Variants in CCDC66 observed in about 807,000 individuals in gnomAD.
CCDC66 encodes coiled-coil domain-containing protein 66.
Under a neutral mutation model 128.3 loss-of-function variants are expected in CCDC66, and 133 were observed. The observed-to-expected ratio is 1.04, with a 90% CI of 0.90 to 1.20. The LOEUF is 1.20. CCDC66 is among the 50% of genes most tolerant of loss of function. The pLI is 0.00. For synonymous variants in CCDC66, 387 were observed against 357.0 expected, an observed-to-expected ratio of 1.08 and a Z score of -0.95; for missense variants, 1,126 against 1,075.5, an observed-to-expected ratio of 1.05 and a Z score of -0.66.
At chr3:56,587,558 A>G (rs1559682022) in intron 7 of CCDC66, among the ~76,000 whole-genome samples, 1 of 152,192 alleles carries the variant, frequency 6.6e-6, no homozygotes, top group Non-Finnish European at 1.5e-5. Context: ...ATGAAAAACA[A>G]TGTGGAGATT....
chr3:56,571,041 A>G (rs913099532), intron 6 of CCDC66, 140 bp from the exon 7 acceptor site: 6 of 547,662 alleles, frequency 1.1e-5, no homozygotes, highest in Non-Finnish European at 1.8e-5. Context: ...ATTATTCTCC[A>G]CTTTGTGAGT....
chr3:56,558,671 T>G (rs941058325), intron 1 of CCDC66, 175 bp from the exon 2 acceptor site: 1 of 631,012 alleles, frequency 1.6e-6, no homozygotes, highest in Non-Finnish European at 2.9e-6. Flanking sequence ...CCTGTAGTTG[T>G]GGGTTTTATC....
In CCDC66 at chr3:56,619,607, G is replaced by GTAAT. The variant is rs2076074859; in HGVS notation, c.2635+82_2635+85dup. ...GTCAACAACTTTAAATTCCAAATTA[G>GTAAT]TAATTCCTGCACTTAGTTCTATAAA... is the stretch of plus-strand genomic sequence containing the variant. On this transcript the variant is annotated intron_variant, in intron 16 of 17. Transcript: ENST00000394672. 5 of 1,506,790 alleles carry GTAAT rather than the reference G, an allele frequency of 3.3e-6. No homozygotes were observed. The South Asian group carries it at 6.6e-5, about 20-fold the overall frequency. 93.3% of individuals were successfully genotyped at this position (1,506,790 alleles called of 1,614,324 possible). A position where few individuals can be genotyped will look rare whatever the true frequency, so the allele number is the denominator to read the frequency against.
At chr3:56,575,261 T>G (rs2067199479) in intron 7 of CCDC66, among the ~76,000 whole-genome samples, 1 of 151,826 alleles carries the variant, frequency 6.6e-6, no homozygotes, top group Non-Finnish European at 1.5e-5. Flanking sequence ...AACACTTACT[T>G]TCTGATTTAT....
At chr3:56,596,328 G>A (rs1212983017) in intron 10 of CCDC66, among the ~76,000 whole-genome samples, 1 of 152,104 alleles carries the variant, frequency 6.6e-6, no homozygotes, top group Non-Finnish European at 1.5e-5. Flanking sequence ...TCATGTACCT[G>A]TTTGCCATTT....
rs201695402 is a variant in CCDC66 at position 56,617,293 on chromosome 3, T to C, written c.2025T>C (p.Asn675=). The change falls in exon 14 of 18, where the codon AAT becomes AAC. Residue 675 remains asparagine (N), a synonymous_variant. Coordinates refer to ENST00000394672, the MANE Select transcript of CCDC66 (RefSeq NM_001141947.3). ...DKGASLEKEN[N]RCNDQCNQFT... The stretch of plus-strand genomic sequence containing the variant: ...GAGCCAGCTTAGAAAAAGAAAACAA[T>C]CGGTGTAATGACCAGTGTAATCAGT... 5.3e-5 allele frequency: 86 copies of C among 1,613,008 alleles called. No homozygotes were observed. Among genetic ancestry groups the C allele is most frequent in the Non-Finnish European group, 7.1e-5 (84 of 1,179,758 alleles).
intron 7 of CCDC66, chr3:56,572,643 G>C (rs2066801290): frequency 5.2e-6 from 1 of 193,728 alleles, no homozygotes. Flanking sequence ...AACCTGAAGG[G>C]ATGATTCTCC....
intron 6 of CCDC66, among the ~76,000 whole-genome samples, chr3:56,567,684 T>TTTTTG (rs573339138): frequency 0.012 from 1,798 of 151,804 alleles, 45 homozygotes; most frequent in African/African-American, 0.041. Flanking sequence ...TAAAAGTGTT[T>TTTTTG]TTTTGTTTTG....
At chr3:56,596,802 C>T (rs2072034707) in intron 10 of CCDC66, among the ~76,000 whole-genome samples, 2 of 149,566 alleles carry the variant, frequency 1.3e-5, no homozygotes, top group South Asian at 2.1e-4. Context: ...AGACTGTCAC[C>T]CTGGAATGCA....
chr3:56,577,713 A>G (rs1323423425), intron 7 of CCDC66, among the ~76,000 whole-genome samples: 3 of 151,844 alleles, frequency 2.0e-5, no homozygotes, highest in African/African-American at 4.8e-5. Flanking sequence ...AGGTTTGTCA[A>G]AGATCAGATG....
At chr3:56,597,650 C>T (rs2072251030) in intron 10 of CCDC66, among the ~76,000 whole-genome samples, 1 of 151,498 alleles carries the variant, frequency 6.6e-6, no homozygotes, top group East Asian at 1.9e-4. Context: ...GTGGGATTGC[C>T]TTCTTTATTT....
intron 7 of CCDC66, among the ~76,000 whole-genome samples, chr3:56,582,680 A>G (rs1024922363): frequency 1.6e-4 from 24 of 151,544 alleles, no homozygotes; most frequent in African/African-American, 5.8e-4. Flanking sequence ...AATCTTAGTG[A>G]TGGTCATTGT....
At chr3:56,620,448 G>A (rs1274014893) in intron 17 of CCDC66, 4 of 152,120 alleles carry the variant, frequency 2.6e-5, no homozygotes, top group African/African-American at 9.7e-5. Flanking sequence ...CCATCCCTTG[G>A]GCTTTAAAAA....
Position 56,593,120 on chromosome 3 carries a change from T to C in CCDC66, c.1068+19T>C, listed in dbSNP as rs1472732144. The C allele has an allele frequency of 4.6e-6, 7 of 1,536,800 alleles. No individual in the cohort carries two copies. Among genetic ancestry groups the C allele is most frequent in the Non-Finnish European group, 6.2e-6 (7 of 1,136,020 alleles). On this transcript the variant is annotated intron_variant, in intron 8 of 17. Coordinates refer to ENST00000394672, the MANE Select transcript of CCDC66 (RefSeq NM_001141947.3). ...TTCAAAGGTAACTTATGAGGTTTTG[T>C]GGCTATAAAAGAAAAAATAAAATCA... is the stretch of plus-strand genomic sequence containing the variant.
intron 4 of CCDC66, among the ~76,000 whole-genome samples, chr3:56,564,708 C>T (rs1223159516): frequency 6.6e-6 from 1 of 152,094 alleles, no homozygotes; most frequent in Non-Finnish European, 1.5e-5. Context: ...TTCTAATTTC[C>T]ACTTTGGGAT....
intron 7 of CCDC66, among the ~76,000 whole-genome samples, chr3:56,579,262 A>G (rs1253749672): frequency 6.6e-6 from 1 of 151,662 alleles, no homozygotes; most frequent in Non-Finnish European, 1.5e-5. Flanking sequence ...TATCCCCTTT[A>G]TCATTTTTTA....
At chr3:56,582,393 G>A (rs2068549981) in intron 7 of CCDC66, among the ~76,000 whole-genome samples, 1 of 151,766 alleles carries the variant, frequency 6.6e-6, no homozygotes, top group East Asian at 2.0e-4. Flanking sequence ...TGCTCCGTGG[G>A]CTGCACCCAC....
intron 7 of CCDC66, chr3:56,572,385 A>G (rs1167724982): frequency 1.6e-6 from 2 of 1,289,596 alleles, no homozygotes; most frequent in Admixed American, 4.6e-5. Context: ...TGGTGGTCCA[A>G]GCTGATGGGG....
intron 7 of CCDC66, among the ~76,000 whole-genome samples, chr3:56,571,969 C>T (rs1254998488): frequency 6.6e-6 from 1 of 152,310 alleles, no homozygotes. Flanking sequence ...GATCCTCCCA[C>T]CTTGGCCTCC....
Sources: allele counts gnomAD v4.1 joint callset (sites outside exome capture counted in the v4.1 genomes callset), GRCh38; gene constraint gnomAD v4.1.1; transcripts MANE v1.5; gene names NCBI Gene and HGNC (gene_info 2026-07-23, HGNC 2026-07-21).